TMEM217B: variants seen among roughly 807,000 people sequenced by gnomAD.
The protein encoded by TMEM217B is putative transmembrane protein 217B.
chr6:37,256,812 A>T, the TMEM217B span, among the ~76,000 whole-genome samples: 1 of 152,158 alleles, frequency 6.6e-6, no homozygotes, highest in Non-Finnish European at 1.5e-5. Context: ...ACCACTCTGG[A>T]CTGGTGCCCG....
the TMEM217B span, chr6:37,212,487 C>T: frequency 4.4e-6 from 2 of 455,848 alleles, no homozygotes; most frequent in Non-Finnish European, 8.8e-6. Context: ...TGGAGCAGAG[C>T]CTGTGGCGGC....
the TMEM217B span, among the ~76,000 whole-genome samples, chr6:37,225,242 T>C: frequency 1.3e-5 from 2 of 152,052 alleles, no homozygotes; most frequent in Admixed American, 6.6e-5. Flanking sequence ...GGATAATAGA[T>C]ACAATATTTG....
the TMEM217B span, among the ~76,000 whole-genome samples, chr6:37,216,609 G>GGCA: frequency 6.6e-6 from 1 of 152,174 alleles, no homozygotes; most frequent in Non-Finnish European, 1.5e-5. Context: ...GGAGCACAGA[G>GGCA]GCAGGAGAGC....
chr6:37,238,750 C>T, the TMEM217B span, among the ~76,000 whole-genome samples: 2 of 152,188 alleles, frequency 1.3e-5, no homozygotes, highest in Non-Finnish European at 2.9e-5. Context: ...AGGATGCCAA[C>T]ATGAAAGGGA....
the TMEM217B span, among the ~76,000 whole-genome samples, chr6:37,230,561 A>C: frequency 6.6e-6 from 1 of 152,218 alleles, no homozygotes; most frequent in Non-Finnish European, 1.5e-5. Flanking sequence ...ACAGACACAC[A>C]GAGAGGGATG....
chr6:37,226,225 G>C, the TMEM217B span, among the ~76,000 whole-genome samples: 68 of 148,656 alleles, frequency 4.6e-4, no homozygotes, highest in African/African-American at 1.7e-3. Flanking sequence ...TTTATCTCAA[G>C]ATCACCATTC....
chr6:37,228,995 T>G, the TMEM217B span, among the ~76,000 whole-genome samples: 1 of 149,830 alleles, frequency 6.7e-6, no homozygotes, highest in African/African-American at 2.5e-5. Context: ...AGACTCCGTC[T>G]CAAAAAAAAA....
At chr6:37,218,242 T>A in the TMEM217B span, 1 of 1,316,018 alleles carries the variant, frequency 7.6e-7, no homozygotes, top group Non-Finnish European at 9.9e-7. Context: ...CAATCTCGGC[T>A]CACTGCAACC....
At chr6:37,244,393 G>T in the TMEM217B span, among the ~76,000 whole-genome samples, 5 of 152,194 alleles carry the variant, frequency 3.3e-5, no homozygotes, top group Non-Finnish European at 7.4e-5. Flanking sequence ...GAGAAAAACC[G>T]TAAACTTCTA....
the TMEM217B span, among the ~76,000 whole-genome samples, chr6:37,254,922 C>G: frequency 6.6e-6 from 1 of 152,132 alleles, no homozygotes; most frequent in African/African-American, 2.4e-5. Context: ...GCATTAGATT[C>G]TCATAAGGAG....
chr6:37,215,026 T>C, the TMEM217B span, among the ~76,000 whole-genome samples: 1 of 152,228 alleles, frequency 6.6e-6, no homozygotes, highest in East Asian at 1.9e-4. Context: ...ATATCTATGT[T>C]GTGAGTTTCA....
At chr6:37,236,697 C>A in the TMEM217B span, among the ~76,000 whole-genome samples, 1 of 151,542 alleles carries the variant, frequency 6.6e-6, no homozygotes, top group Non-Finnish European at 1.5e-5. Flanking sequence ...ATTTCTATAA[C>A]AAATTACCCC....
chr6:37,217,617 G>A, the TMEM217B span: 11 of 985,056 alleles, frequency 1.1e-5, no homozygotes, highest in Admixed American at 5.5e-4. Context: ...AAAGGGTGGG[G>A]AAATTCGAGA....
the TMEM217B span, among the ~76,000 whole-genome samples, chr6:37,229,361 G>C: frequency 2.7e-4 from 1 of 3,694 alleles, no homozygotes; most frequent in East Asian, 5.4e-3. Context: ...TTTTTTTTTT[G>C]AGACAGTGTC....
the TMEM217B span, among the ~76,000 whole-genome samples, chr6:37,222,033 C>T: frequency 6.6e-6 from 1 of 152,186 alleles, no homozygotes. Flanking sequence ...AGGATAGCTC[C>T]TCTCTGCAGC....
At chr6:37,230,445 G>A in the TMEM217B span, among the ~76,000 whole-genome samples, 1 of 152,178 alleles carries the variant, frequency 6.6e-6, no homozygotes, top group Non-Finnish European at 1.5e-5. Flanking sequence ...ACTGCAGAAT[G>A]TGACTGTATT....
the TMEM217B span, among the ~76,000 whole-genome samples, chr6:37,222,220 GCC>G: frequency 5.9e-5 from 9 of 152,218 alleles, no homozygotes; most frequent in African/African-American, 2.2e-4. Context: ...TGGCGGCCTG[GCC>G]CCAGCCTTCA....
At chr6:37,241,825 T>G in the TMEM217B span, among the ~76,000 whole-genome samples, 1 of 152,216 alleles carries the variant, frequency 6.6e-6, no homozygotes, top group Non-Finnish European at 1.5e-5. Context: ...AAAAAGTTAT[T>G]GAGATAATTT....
the TMEM217B span, among the ~76,000 whole-genome samples, chr6:37,226,452 C>T: frequency 6.6e-6 from 1 of 151,412 alleles, no homozygotes; most frequent in Non-Finnish European, 1.5e-5. Context: ...GCCACGGCGC[C>T]CAGCTAATTT....
Sources: gnomAD v4.1 joint callset for allele counts (sites outside exome capture counted in the v4.1 genomes callset) on GRCh38, gnomAD v4.1.1 for gene constraint, MANE v1.5 for transcripts, NCBI Gene and HGNC (gene_info 2026-07-23, HGNC 2026-07-21) for gene names.